Variants in NRXN1 observed in about 807,000 individuals in gnomAD.
NRXN1 encodes the protein neurexin 1, also known as neurexin-1.
NRXN1 carries 39 observed loss-of-function variants against 150.9 expected under a neutral mutation model. The observed-to-expected ratio is 0.26, with a 90% CI of 0.20 to 0.34. NRXN1 has a LOEUF of 0.34. Ranked by LOEUF, NRXN1 falls within the 10% of genes least tolerant of loss-of-function variation. The probability of loss-of-function intolerance (pLI) is 1.00; values close to 1 mark genes in which losing one functional copy is unlikely to be tolerated. For synonymous variants in NRXN1, 924 were observed against 757.0 expected, an observed-to-expected ratio of 1.22 and a Z score of -3.62; for missense variants, 1,815 against 1,949.9, an observed-to-expected ratio of 0.93 and a Z score of 1.30.
chr2:50,029,597 T>C (rs1688887881), intron 21 of NRXN1, among the ~76,000 whole-genome samples: 1 of 152,026 alleles, frequency 6.6e-6, no homozygotes, highest in South Asian at 2.1e-4. Context: ...CACAGCAAGA[T>C]AGTGGTTTCC....
At chr2:50,448,152 G>C (rs1308678570) in intron 17 of NRXN1, among the ~76,000 whole-genome samples, 2 of 152,024 alleles carry the variant, frequency 1.3e-5, no homozygotes, top group African/African-American at 4.8e-5. Context: ...CACTTTTATA[G>C]ATTAGCAAAG....
chr2:50,231,876 C>G (rs1375634189), intron 18 of NRXN1, among the ~76,000 whole-genome samples: 1 of 152,030 alleles, frequency 6.6e-6, no homozygotes, highest in African/African-American at 2.4e-5. Context: ...AATATAAAAA[C>G]TTGAGCTAAA....
rs546710255 is a variant in NRXN1, at chr2:50,070,639, G to A, written c.3719-15595C>T. ...CAAAAAATTATCCGGGCGTAGTGGC[G>A]GGCGCCTGTAGTCCCAGCTACTCGG... On this transcript the variant is annotated intron_variant, in intron 19 of 22. Coordinates refer to ENST00000401669, the MANE Select transcript of NRXN1 (RefSeq NM_001330078.2). Among the ~76,000 whole-genome samples the A allele has an allele frequency of 4.6e-3, 698 of 151,338 alleles. 8 individuals carry two copies. The highest frequency in any genetic ancestry group is 0.016 in the African/African-American group (646 of 41,350).
intron 5 of NRXN1, among the ~76,000 whole-genome samples, chr2:50,755,109 T>C (rs865979377): frequency 6.6e-6 from 1 of 151,810 alleles, no homozygotes; most frequent in Non-Finnish European, 1.5e-5. Context: ...ATCTGCCTAT[T>C]CTCCTGGCTC....
chr2:50,090,134 G>A (rs1050121337), intron 19 of NRXN1, among the ~76,000 whole-genome samples: 2 of 152,168 alleles, frequency 1.3e-5, no homozygotes, highest in Non-Finnish European at 2.9e-5. Context: ...AATATTGGCA[G>A]AGTACTAGGC....
In NRXN1 at chr2:50,053,720, T is replaced by C. The variant is rs1573630578; in HGVS notation, c.3809-130A>G. The stretch of plus-strand genomic sequence containing the variant: ...AACTATAAGAGAGGCATTTGACTCA[T>C]AATTCATTGCTTATAAATGAGGTGT... On this transcript the variant is annotated intron_variant, in intron 20 of 22. Coordinates refer to ENST00000401669, the MANE Select transcript of NRXN1 (RefSeq NM_001330078.2). The C allele has an allele frequency of 3.4e-6, 3 of 887,202 alleles. No homozygotes were observed. The South Asian group carries it at 4.5e-5, about 13-fold the overall frequency. The allele number at this position is 887,202 out of a possible 1,614,324, so 55.0% of individuals were successfully genotyped here. A position where few individuals can be genotyped will look rare whatever the true frequency, so the allele number is the denominator to read the frequency against.
chr2:50,472,986 G>A (rs185064877), intron 15 of NRXN1, among the ~76,000 whole-genome samples: 1 of 151,814 alleles, frequency 6.6e-6, no homozygotes, highest in Non-Finnish European at 1.5e-5. Flanking sequence ...CAGTCAACAG[G>A]CATTATTATT....
At chr2:50,595,365 A>G (rs189456012) in intron 8 of NRXN1, among the ~76,000 whole-genome samples, 3 of 151,414 alleles carry the variant, frequency 2.0e-5, no homozygotes, top group East Asian at 3.9e-4. Flanking sequence ...CTTTTTTGCA[A>G]GAAGTGGGGC....
At chr2:50,169,792 G>C (rs1017300665) in intron 18 of NRXN1, among the ~76,000 whole-genome samples, 1 of 151,416 alleles carries the variant, frequency 6.6e-6, no homozygotes. Context: ...TGGCATAGGG[G>C]ATAGCATAAC....
intron 17 of NRXN1, among the ~76,000 whole-genome samples, chr2:50,281,553 T>C (rs1239470781): frequency 3.3e-5 from 5 of 152,016 alleles, no homozygotes; most frequent in Non-Finnish European, 7.4e-5. Flanking sequence ...ATCTGGTGAC[T>C]TGACAAACAT....
In NRXN1 at chr2:49,921,956, C is replaced by CTCTT; in HGVS notation, c.4508_4511dup (p.Tyr1505ArgfsTer10). The CTCTT allele has an allele frequency of 6.2e-7, 1 of 1,614,100 alleles. No homozygotes were observed. Among genetic ancestry groups the CTCTT allele is most frequent in the Non-Finnish European group, 8.5e-7 (1 of 1,179,988 alleles). ...TAAGATCTTGGGATCAGACATAATA[C>CTCTT]TCTTTATCCTTGTTTTTCTTATTTT... On this transcript the variant is annotated frameshift_variant, in exon 23 of 23. Transcript: ENST00000401669. LOFTEE classifies it high-confidence loss of function.
At chr2:50,593,314 A>T (rs752250483) in intron 8 of NRXN1, among the ~76,000 whole-genome samples, 15 of 152,194 alleles carry the variant, frequency 9.9e-5, no homozygotes, top group Non-Finnish European at 1.8e-4. Context: ...TTGACAAATG[A>T]ATTGAAAATG....
chr2:50,264,545 C>CA (rs1373568741), intron 17 of NRXN1, among the ~76,000 whole-genome samples: 2 of 151,774 alleles, frequency 1.3e-5, no homozygotes, highest in Non-Finnish European at 2.9e-5. Flanking sequence ...AAATATATAT[C>CA]ATATATATGT....
chr2:50,762,851 A>C (rs1701964597), intron 5 of NRXN1, among the ~76,000 whole-genome samples: 1 of 151,878 alleles, frequency 6.6e-6, no homozygotes, highest in Non-Finnish European at 1.5e-5. Flanking sequence ...TTTTGGATAT[A>C]TATCCTTTCC....
At chr2:49,979,594 T>C (rs2882594) in intron 21 of NRXN1, among the ~76,000 whole-genome samples, 74,758 of 151,934 alleles carry the variant, frequency 0.49, 18,834 homozygotes, top group Middle Eastern at 0.64. Flanking sequence ...GATGCATGGA[T>C]GACTTTCAAA....
chr2:50,616,393 T>A (rs967730909), intron 8 of NRXN1: 1 of 152,184 alleles, frequency 6.6e-6, no homozygotes, highest in South Asian at 2.1e-4. Context: ...TCATTTCAAA[T>A]AGACATTATT....
chr2:50,194,804 G>T (rs991326146), intron 18 of NRXN1, among the ~76,000 whole-genome samples: 1 of 152,162 alleles, frequency 6.6e-6, no homozygotes, highest in African/African-American at 2.4e-5. Flanking sequence ...GAACATGCAT[G>T]AACTGGTCTA....
At chr2:50,951,101 G>A (rs1234661895) in intron 2 of NRXN1, among the ~76,000 whole-genome samples, 1 of 152,152 alleles carries the variant, frequency 6.6e-6, no homozygotes, top group Non-Finnish European at 1.5e-5. Flanking sequence ...GTATTCAATT[G>A]CTCAAGGACA....
intron 17 of NRXN1, among the ~76,000 whole-genome samples, chr2:50,414,684 G>T (rs1282243434): frequency 6.6e-6 from 1 of 151,890 alleles, no homozygotes; most frequent in Non-Finnish European, 1.5e-5. Flanking sequence ...ATTATTAAAT[G>T]ATAAGCTTAA....
Sources: allele counts gnomAD v4.1 joint callset (sites outside exome capture counted in the v4.1 genomes callset), GRCh38; gene constraint gnomAD v4.1.1; transcripts MANE v1.5; gene names NCBI Gene and HGNC (gene_info 2026-07-23, HGNC 2026-07-21).